Variants in PLCB1 observed in about 807,000 individuals in gnomAD.
PLCB1 encodes the protein 1-phosphatidylinositol 4,5-bisphosphate phosphodiesterase beta-1.
In PLCB1, 46 loss-of-function variants were observed where a neutral mutation model predicts 161.8. The ratio of observed to expected loss-of-function variants is 0.28; its 90% CI spans 0.22 to 0.36. PLCB1 has a LOEUF of 0.36. Ranked by LOEUF, PLCB1 falls within the 10% of genes least tolerant of loss-of-function variation. PLCB1 has a pLI of 1.00. For missense variants in PLCB1, 1,016 were observed against 1,472.5 expected (o/e 0.69, Z 5.07); for synonymous variants, 517 against 503.7 (o/e 1.03, Z -0.35).
intron 3 of PLCB1, among the ~76,000 whole-genome samples, chr20:8,532,895 G>T (rs1172787787): frequency 1.3e-5 from 2 of 151,400 alleles, no homozygotes; most frequent in Non-Finnish European, 2.9e-5. Context: ...TAAGTTGTAG[G>T]GTACATGTGC....
intron 2 of PLCB1, among the ~76,000 whole-genome samples, chr20:8,328,698 G>C (rs895800612): frequency 3.3e-5 from 5 of 152,086 alleles, no homozygotes; most frequent in African/African-American, 1.2e-4. Flanking sequence ...TTGGGTATAT[G>C]AAAGTTGATT....
intron 3 of PLCB1, among the ~76,000 whole-genome samples, chr20:8,389,715 T>C (rs193061066): frequency 6.6e-6 from 1 of 152,334 alleles, no homozygotes; most frequent in African/African-American, 2.4e-5. Context: ...AAATTAATTC[T>C]ACATAGTGAA....
At chr20:8,811,915 A>C (rs186928424) in intron 31 of PLCB1, among the ~76,000 whole-genome samples, 1 of 152,332 alleles carries the variant, frequency 6.6e-6, no homozygotes, top group African/African-American at 2.4e-5. Flanking sequence ...AATGTACTTA[A>C]GCACATTTTC....
chr20:8,197,969 T>C (rs1453559520), intron 2 of PLCB1, among the ~76,000 whole-genome samples: 6 of 152,164 alleles, frequency 3.9e-5, no homozygotes, highest in African/African-American at 7.2e-5. Context: ...CAGATAGTTA[T>C]AGATGTGTAG....
chr20:8,649,630 A>T (rs1989256654), intron 7 of PLCB1, 181 bp downstream of exon 7: 1 of 575,402 alleles, frequency 1.7e-6, no homozygotes. Flanking sequence ...TGGCTTTATA[A>T]GAAGAGAAAA....
At chr20:8,793,706 C>T (rs1983881401) in intron 31 of PLCB1, among the ~76,000 whole-genome samples, 1 of 152,126 alleles carries the variant, frequency 6.6e-6, no homozygotes, top group Non-Finnish European at 1.5e-5. Context: ...GACCACAGGA[C>T]CGAGGCAAAA....
At chr20:8,643,847 C>T (rs1989043112) in intron 4 of PLCB1, among the ~76,000 whole-genome samples, 2 of 151,640 alleles carry the variant, frequency 1.3e-5, no homozygotes, top group South Asian at 2.1e-4. Context: ...GATGCCGAGC[C>T]AAAGCTGGAC....
At chr20:8,682,648 G>A (rs78840051) in intron 9 of PLCB1, among the ~76,000 whole-genome samples, 2,875 of 152,248 alleles carry the variant, frequency 0.019, 75 homozygotes, top group African/African-American at 0.057. Context: ...TTTACAAATG[G>A]CACATCTCTT....
At chr20:8,698,295 A>G (rs1235216481) in intron 11 of PLCB1, among the ~76,000 whole-genome samples, 1 of 152,220 alleles carries the variant, frequency 6.6e-6, no homozygotes, top group African/African-American at 2.4e-5. Context: ...TCTTTAGAGC[A>G]CAAAGTACAA....
At chr20:8,280,610 A>G (rs1235691680) in intron 2 of PLCB1, among the ~76,000 whole-genome samples, 2 of 152,218 alleles carry the variant, frequency 1.3e-5, no homozygotes, top group East Asian at 3.9e-4. Context: ...CTTGTTTTAT[A>G]TAAATATAAA....
chr20:8,665,019 G>T (rs1989774605), intron 9 of PLCB1, among the ~76,000 whole-genome samples: 1 of 152,104 alleles, frequency 6.6e-6, no homozygotes, highest in Admixed American at 6.6e-5. Context: ...AGCCCATAAG[G>T]GGTCAACTAC....
intron 2 of PLCB1, among the ~76,000 whole-genome samples, chr20:8,235,894 C>T (rs948932425): frequency 2.6e-5 from 4 of 151,870 alleles, no homozygotes; most frequent in Non-Finnish European, 5.9e-5. Flanking sequence ...AATCTTAAGG[C>T]GTGTATAGGA....
At chr20:8,708,998 T>C (rs1978846880) in intron 12 of PLCB1, among the ~76,000 whole-genome samples, 1 of 152,204 alleles carries the variant, frequency 6.6e-6, no homozygotes, top group Non-Finnish European at 1.5e-5. Context: ...AAACTCTTCT[T>C]TTTGCAATGC....
intron 31 of PLCB1, among the ~76,000 whole-genome samples, chr20:8,866,506 G>A (rs1987434151): frequency 6.6e-6 from 1 of 152,164 alleles, no homozygotes; most frequent in African/African-American, 2.4e-5. Context: ...ATGGTGTTTT[G>A]TAAATTTCTA....
At chr20:8,700,521 G>A (rs6039240) in intron 11 of PLCB1, among the ~76,000 whole-genome samples, 10 of 152,266 alleles carry the variant, frequency 6.6e-5, no homozygotes, top group African/African-American at 2.4e-4. Flanking sequence ...CTCTTTCTGG[G>A]CTCTGGAAGC....
chr20:8,685,110 C>T, intron 10 of PLCB1, 32 bp downstream of exon 10: 4 of 1,596,890 alleles, frequency 2.5e-6, no homozygotes, highest in Middle Eastern at 1.7e-4. Context: ...GTTACTTTAG[C>T]CAGTCTCACC....
chr20:8,397,149 A>G (rs899577769), intron 3 of PLCB1, among the ~76,000 whole-genome samples: 1 of 152,048 alleles, frequency 6.6e-6, no homozygotes, highest in Non-Finnish European at 1.5e-5. Flanking sequence ...TACTGCATTA[A>G]TGTATTCACT....
chr20:8,306,248 G>C (rs1391015008), intron 2 of PLCB1: 1 of 152,184 alleles, frequency 6.6e-6, no homozygotes, highest in Non-Finnish European at 1.5e-5. Context: ...AGGGTGGAAA[G>C]AGCAAAGACT....
In PLCB1 at chr20:8,432,167, C is replaced by A. The variant is rs79411223; in HGVS notation, c.246+60717C>A. Among the ~76,000 whole-genome samples, 684 of 152,162 alleles carry A rather than the reference C, an allele frequency of 4.5e-3. 8 individuals are homozygous for A. The highest frequency in any genetic ancestry group is 0.015 in the African/African-American group (627 of 41,508). ...AGACAATCTGAAGCGTGAGGAGGGC[C>A]GGGTTTATTGGGTGAAAGAGGGAAA... On this transcript the variant is annotated intron_variant, in intron 3 of 31. Transcript: ENST00000338037.
Sources: gnomAD v4.1 joint callset for allele counts (sites outside exome capture counted in the v4.1 genomes callset) on GRCh38, gnomAD v4.1.1 for gene constraint, MANE v1.5 for transcripts, NCBI Gene and HGNC (gene_info 2026-07-23, HGNC 2026-07-21) for gene names.